IGSF22: variants seen among roughly 807,000 people sequenced by gnomAD.
IGSF22 encodes the protein immunoglobulin superfamily member 22.
In IGSF22, 119 loss-of-function variants were observed where a neutral mutation model predicts 127.0. The observed-to-expected ratio is 0.94, with a 90% CI of 0.81 to 1.09. The LOEUF (loss-of-function observed/expected upper bound fraction) is 1.09, where lower values mean the gene tolerates loss of function less well. Ranked by LOEUF, IGSF22 falls within the 50% of genes least tolerant of loss-of-function variation. IGSF22 has a pLI of 0.00. For synonymous variants in IGSF22, 568 were observed against 664.7 expected (o/e 0.85, Z 2.24); for missense variants, 1,518 against 1,716.6 (o/e 0.88, Z 2.04).
intron 8 of IGSF22, 33 bp downstream of exon 8, chr11:18,718,582 T>G (rs766976946): frequency 1.7e-6 from 2 of 1,197,994 alleles, no homozygotes; most frequent in South Asian, 2.4e-5. Context: ...GAAGAGATAT[T>G]GCCAAGGTGG....
chr11:18,709,877 A>C lies in IGSF22; in HGVS notation c.2702-194T>G, dbSNP rs552104061. Reference sequence around the variant, plus strand: ...AATTCAGTTATCTTACTGTTTTAACACTTTCATCCTTAAACTCAATACCCC... The same window carrying C: ...AATTCAGTTATCTTACTGTTTTAACCCTTTCATCCTTAAACTCAATACCCC... On this transcript the variant is annotated intron_variant, in intron 17 of 22. Coordinates refer to ENST00000513874, the MANE Select transcript of IGSF22 (RefSeq NM_173588.4). The surrounding 1 kb of genome is among the most constrained non-coding windows in gnomAD (Gnocchi z 4.8). 6.6e-6 allele frequency among the ~76,000 whole-genome samples: 1 copy of C among 152,280 alleles called. No homozygotes were observed. The highest frequency in any genetic ancestry group is 6.5e-5 in the Admixed American group (1 of 15,294).
chr11:18,710,317 G>A lies in IGSF22; in HGVS notation c.2701+10C>T, dbSNP rs757927000. ...CATTATGTGTCAGGACCTGGCAGCC[G>A]CATACTCACTAACAGGATCCTTGGC... On this transcript the variant is annotated intron_variant, in intron 17 of 22. Coordinates refer to ENST00000513874, the MANE Select transcript of IGSF22 (RefSeq NM_173588.4). 2.1e-5 allele frequency: 34 copies of A among 1,613,030 alleles called. No individual in the cohort carries two copies. Among genetic ancestry groups the A allele is most frequent in the South Asian group, 3.3e-5 (3 of 91,054 alleles).
Position 18,722,010 on chromosome 11 carries a change from T to C in IGSF22, c.141A>G (p.Ile47Met), listed in dbSNP as rs773741944. 3 of 1,614,082 alleles carry C rather than the reference T, an allele frequency of 1.9e-6. No homozygotes were observed. Among genetic ancestry groups the C allele is most frequent in the South Asian group, 2.2e-5 (2 of 91,084 alleles). ...EEVVRRKSSS[I>M]VEFFSLVTRS... ...GGGTCACTAAGCTGAAGAACTCCAC[T>C]ATGCTCGAGGACTTCCTCCTCACGA... Residue 47 changes from isoleucine (I) to methionine (M), a missense_variant, in exon 3 of 23, where the codon ATA becomes ATG. By Grantham distance (10) the Ile-to-Met change is conservative. Around this residue, in one of 3 missense-constraint regions of IGSF22, gnomAD observed 1,456 missense variants for 1,644.9 expected, o/e 0.89. Transcript: ENST00000513874.
intron 8 of IGSF22, among the ~76,000 whole-genome samples, chr11:18,718,322 A>G (rs1848500492): frequency 6.6e-6 from 1 of 152,198 alleles, no homozygotes; most frequent in Non-Finnish European, 1.5e-5. Context: ...TGAGTTCATT[A>G]GATGCTTTCC....
In IGSF22 at chr11:18,716,657, AATG is replaced by A; in HGVS notation, c.1246+68_1246+70del. ...AGATGGATGGATAGATGGATATATAAATGATGACTACCTGCATGGAGGTTGCTG... is the reference window on the plus strand; with the variant it reads ...AGATGGATGGATAGATGGATATATAAATGACTACCTGCATGGAGGTTGCTG... On this transcript the variant is annotated intron_variant, in intron 10 of 22. Coordinates refer to ENST00000513874, the MANE Select transcript of IGSF22 (RefSeq NM_173588.4). The surrounding 1 kb of genome is among the most constrained non-coding windows in gnomAD (Gnocchi z 4.5). 6.7e-7 allele frequency: 1 copy of A among 1,483,048 alleles called. No individual in the cohort carries two copies. The highest frequency in any genetic ancestry group is 9.3e-7 in the Non-Finnish European group (1 of 1,073,988). The allele number at this position is 1,483,048 out of a possible 1,614,324, so 91.9% of individuals were successfully genotyped here. A position where few individuals can be genotyped will look rare whatever the true frequency, so the allele number is the denominator to read the frequency against.
chr11:18,714,518 C>T lies in IGSF22; in HGVS notation c.1638G>A (p.Trp546Ter). 1 of 1,614,216 alleles carries T rather than the reference C, an allele frequency of 6.2e-7. No individual in the cohort carries two copies. Among genetic ancestry groups the T allele is most frequent in the Non-Finnish European group, 8.5e-7 (1 of 1,180,040 alleles). ...VLNDEKVEGV[W>*]LKDGKEITDL... Reference sequence around the variant, plus strand: ...TTCAGACCTCCTTGCCATCCTTCAGCCACACACCCTCCACCTTCTCGTCAT... The same window carrying T: ...TTCAGACCTCCTTGCCATCCTTCAGTCACACACCCTCCACCTTCTCGTCAT... Residue 546 changes from tryptophan (W) to a stop codon, truncating the protein, a stop_gained, in exon 12 of 23, where the codon TGG (tryptophan) becomes TGA (stop). Transcript: ENST00000513874. LOFTEE classifies it high-confidence loss of function.
In IGSF22 at chr11:18,719,911, G is replaced by A; in HGVS notation, c.519-18C>T. 6.2e-7 allele frequency: 1 copy of A among 1,613,890 alleles called. No homozygotes were observed. Among genetic ancestry groups the A allele is most frequent in the African/African-American group, 1.3e-5 (1 of 74,996 alleles). On this transcript the variant is annotated intron_variant, in intron 6 of 22. Coordinates refer to ENST00000513874, the MANE Select transcript of IGSF22 (RefSeq NM_173588.4). ...GGGGTGCCCTAGGAGAAGGAGGAAG[G>A]GACTAAGCTTGTACACAATGCCTCT... is the stretch of plus-strand genomic sequence containing the variant.
chr11:18,713,766 G>C (rs1000002455), intron 14 of IGSF22, 86 bp downstream of exon 14: 7 of 1,101,916 alleles, frequency 6.4e-6, no homozygotes, highest in Admixed American at 2.4e-5. Context: ...CTCTAACTCT[G>C]GCCTCCTACT....
chr11:18,707,038 G>C lies in IGSF22; in HGVS notation c.3456C>G (p.Asn1152Lys). 6.4e-7 allele frequency: 1 copy of C among 1,551,668 alleles called. No homozygotes were observed. Among genetic ancestry groups the C allele is most frequent in the East Asian group, 2.4e-5 (1 of 40,920 alleles). ...WYTAAERVFS[N>K]KYTVTGLLPG... is the part of the protein sequence containing the mutation. Reference sequence around the variant, plus strand: ...GGAGCAGCCCCGTCACTGTGTACTTGTTGCTGAAGACACGCTCGGCTGCCG... The same window carrying C: ...GGAGCAGCCCCGTCACTGTGTACTTCTTGCTGAAGACACGCTCGGCTGCCG... Residue 1152 changes from asparagine (N) to lysine (K), a missense_variant, in exon 21 of 23, where the codon AAC becomes AAG. Transcript: ENST00000513874.
At position 18,705,841 on chromosome 11, in the gene IGSF22, T is replaced by G. The variant is rs1848215346; in HGVS notation, c.3886A>C (p.Ser1296Arg). 1 of 1,549,230 alleles carries G rather than the reference T, an allele frequency of 6.5e-7. No homozygotes were observed. Among genetic ancestry groups the G allele is most frequent in the Non-Finnish European group, 8.7e-7 (1 of 1,146,256 alleles). ...CCATAGACGGTGAGCGTGCAGCTGC[T>G]GCGGTCCTTGCCCAGCTCGTTCTCC... ...LVENELGKDR[S>R]SCTLTVYDKD... The change falls in exon 22 of 23, where the codon AGC becomes CGC. Residue 1296 changes from serine (S) to arginine (R), a missense_variant. Ser to Arg is a moderately radical substitution (Grantham distance 110). Transcript: ENST00000513874.
chr11:18,712,024 T>G, intron 15 of IGSF22, 58 bp downstream of exon 15: 1 of 1,429,846 alleles, frequency 7.0e-7, no homozygotes, highest in South Asian at 1.4e-5. Flanking sequence ...CCTTCCTGGC[T>G]TAAGGTCTCC....
chr11:18,714,688 A>C (rs1308968367), intron 11 of IGSF22, 64 bp from the exon 12 acceptor site: 1 of 1,591,566 alleles, frequency 6.3e-7, no homozygotes. Flanking sequence ...TTCTGGGAAA[A>C]GGGCTGGTAG....
intron 15 of IGSF22, among the ~76,000 whole-genome samples, 176 bp downstream of exon 15, chr11:18,711,906 C>T (rs921848944): frequency 1.3e-5 from 2 of 152,144 alleles, no homozygotes; most frequent in African/African-American, 4.8e-5. Flanking sequence ...GACTGGACAA[C>T]GTTGACAATT....
At chr11:18,719,142 A>T (rs1848515994) in intron 7 of IGSF22, among the ~76,000 whole-genome samples, 1 of 151,894 alleles carries the variant, frequency 6.6e-6, no homozygotes, top group Non-Finnish European at 1.5e-5. Flanking sequence ...TACAACTGGG[A>T]TTTGTTTGTT....
chr11:18,721,469 C>A lies in IGSF22; in HGVS notation c.378+66G>T, dbSNP rs552232375. 38 of 1,606,504 alleles carry A rather than the reference C, an allele frequency of 2.4e-5. No individual in the cohort carries two copies. In the East Asian group the frequency reaches 7.8e-4, roughly 33 times the overall value. The stretch of plus-strand genomic sequence containing the variant: ...AGGCTCTCATCGGTGAGAAGACTGG[C>A]GGCCCGCCCTGGGGGTCCCTGCCTC... On this transcript the variant is annotated intron_variant, in intron 4 of 22. Coordinates refer to ENST00000513874, the MANE Select transcript of IGSF22 (RefSeq NM_173588.4).
intron 2 of IGSF22, among the ~76,000 whole-genome samples, chr11:18,723,017 C>T (rs1848599397): frequency 6.6e-6 from 1 of 152,250 alleles, no homozygotes; most frequent in Non-Finnish European, 1.5e-5. Context: ...GGATTCTCAA[C>T]ACTGAACCTG....
rs752864967 is a variant in IGSF22 at position 18,712,288 on chromosome 11, C to T, written c.2192G>A (p.Arg731Gln). 17 of 1,551,712 alleles carry T rather than the reference C, an allele frequency of 1.1e-5. No individual in the cohort carries two copies. Among genetic ancestry groups the T allele is most frequent in the South Asian group, 5.9e-5 (5 of 84,054 alleles). ...KWKAPKDNGG[R>Q]PVTQFIVERR... ...TTCCACTATGAACTGTGTCACAGGT[C>T]GTCCACCATTGTCCTTTGGGGCCTT... is the stretch of plus-strand genomic sequence containing the variant. The change falls in exon 15 of 23, where the codon CGA becomes CAA. Residue 731 changes from arginine to glutamine, a missense_variant. Physicochemically the swap from Arg to Gln is conservative, Grantham distance 43 (BLOSUM62 1). This residue lies in a region of IGSF22 where 1,456 missense variants were observed against 1,644.9 expected (regional missense o/e 0.89). Coordinates refer to ENST00000513874, the MANE Select transcript of IGSF22 (RefSeq NM_173588.4).
Position 18,718,064 on chromosome 11 carries a change from G to A in IGSF22, c.840C>T (p.Ser280=), listed in dbSNP as rs1848495374. The change falls in exon 9 of 23, where the codon TCC becomes TCT. Residue 280 remains serine (S), a synonymous_variant. Coordinates refer to ENST00000513874, the MANE Select transcript of IGSF22 (RefSeq NM_173588.4). ...KGTEPLRIQY[S]LGKYDVKQMG... is the part of the protein sequence containing the mutation. The stretch of plus-strand genomic sequence containing the variant: ...TCTGCTTCACATCGTACTTGCCCAG[G>A]GAGTACTGGATCCTCAGTGGCTCAG... 1 of 1,613,964 alleles carries A rather than the reference G, an allele frequency of 6.2e-7. No individual in the cohort carries two copies. Among genetic ancestry groups the A allele is most frequent in the South Asian group, 1.1e-5 (1 of 91,072 alleles).
At chr11:18,720,338 C>G (rs1414272577) in intron 4 of IGSF22, 53 bp from the exon 5 acceptor site, 1 of 1,425,302 alleles carries the variant, frequency 7.0e-7, no homozygotes, top group Non-Finnish European at 9.9e-7. Flanking sequence ...CACAGGGAGA[C>G]TTTCTGTCAG....
Sources: allele counts gnomAD v4.1 joint callset (sites outside exome capture counted in the v4.1 genomes callset), GRCh38; gene constraint gnomAD v4.1.1; regional missense constraint gnomAD v4.1.1; non-coding constraint Gnocchi (gnomAD v3.1); transcripts MANE v1.5; gene names NCBI Gene and HGNC (gene_info 2026-07-23, HGNC 2026-07-21).